The following ZNF569 variants were observed in gnomAD, a reference collection of about 807,000 sequenced individuals.
ZNF569 encodes the protein zinc finger protein 569, also known as DNA-binding protein.
In ZNF569, 38 loss-of-function variants were observed where a neutral mutation model predicts 56.3. The ratio of observed to expected loss-of-function variants is 0.68; its 90% CI spans 0.52 to 0.88. The LOEUF (loss-of-function observed/expected upper bound fraction) is 0.88. ZNF569 is among the 40% of genes least tolerant of loss of function. The pLI is 0.00. For missense variants in ZNF569, 666 were observed against 809.2 expected, an observed-to-expected ratio of 0.82 and a Z score of 2.15; for synonymous variants, 241 against 262.9, an observed-to-expected ratio of 0.92 and a Z score of 0.81.
intron 2 of ZNF569, among the ~76,000 whole-genome samples, chr19:37,454,025 A>C (rs549591603): frequency 1.3e-5 from 2 of 152,152 alleles, no homozygotes. Flanking sequence ...ACACTTAAAC[A>C]TGAGTATGTC....
In ZNF569 at chr19:37,415,681, T is replaced by C. The variant is rs904739620; in HGVS notation, c.239-1262A>G. ...GTCAGGAGATTGAGACCATCCTGGC[T>C]AACACAGTGAAACCCCATCTCTACT... On this transcript the variant is annotated intron_variant, in intron 5 of 5. Transcript: ENST00000316950. 6.3e-5 allele frequency among the ~76,000 whole-genome samples: 9 copies of C among 142,980 alleles called. No individual in the cohort carries two copies. In the South Asian group the frequency reaches 6.6e-4, roughly 11 times the overall value. 93.8% of individuals were successfully genotyped at this position (142,980 alleles called of 152,430 possible). A position where few individuals can be genotyped will look rare whatever the true frequency, so the allele number is the denominator to read the frequency against.
intron 1 of ZNF569, among the ~76,000 whole-genome samples, chr19:37,466,322 G>A (rs1243161784): frequency 6.6e-6 from 1 of 152,108 alleles, no homozygotes; most frequent in Non-Finnish European, 1.5e-5. Flanking sequence ...TGGGGATATC[G>A]ATGTTTCATA....
At chr19:37,420,257 G>A (rs902287092) in intron 5 of ZNF569, among the ~76,000 whole-genome samples, 2 of 151,894 alleles carry the variant, frequency 1.3e-5, no homozygotes, top group Admixed American at 6.6e-5. Flanking sequence ...CAAAGTGCTC[G>A]GATTACAGGT....
At chr19:37,437,963 G>GA (rs2041340654) in intron 3 of ZNF569, among the ~76,000 whole-genome samples, 1 of 120,652 alleles carries the variant, frequency 8.3e-6, no homozygotes, top group Non-Finnish European at 2.1e-5. Flanking sequence ...ACAGAAATAG[G>GA]AAAAAATGCT....
At chr19:37,469,059 C>T, upstream of ZNF569, 1 of 997,226 alleles carries the variant, frequency 1.0e-6, no homozygotes, top group Non-Finnish European at 1.2e-6. Context: ...CTTGTGCCTG[C>T]GCACTTCCAC....
Position 37,412,432 on chromosome 19 carries a change from A to G in ZNF569, c.*165T>C. 2 of 1,236,008 alleles carry G rather than the reference A, an allele frequency of 1.6e-6. No homozygotes were observed. Among genetic ancestry groups the G allele is most frequent in the Non-Finnish European group, 2.1e-6 (2 of 962,360 alleles). The allele number at this position is 1,236,008 out of a possible 1,614,324, so 76.6% of individuals were successfully genotyped here. The stretch of plus-strand genomic sequence containing the variant: ...TCTGGTAACAGCTTTTTCATTATAT[A>G]ATTTGTCACCTTGGAAGAATTCTCT... On this transcript the variant is annotated 3_prime_UTR_variant, in exon 6 of 6. Transcript: ENST00000316950.
chr19:37,468,397 CT>C (rs1244661255), upstream of ZNF569, among the ~76,000 whole-genome samples: 1 of 152,168 alleles, frequency 6.6e-6, no homozygotes, highest in African/African-American at 2.4e-5. Flanking sequence ...GTCTTAATAC[CT>C]TTAATAAAGA....
chr19:37,451,466 A>G (rs2041592973), intron 2 of ZNF569, among the ~76,000 whole-genome samples: 1 of 151,960 alleles, frequency 6.6e-6, no homozygotes, highest in African/African-American at 2.4e-5. Flanking sequence ...GTGTTATTCA[A>G]GTCAAATGTT....
chr19:37,443,599 A>G (rs73631066), intron 3 of ZNF569, among the ~76,000 whole-genome samples: 2,599 of 152,282 alleles, frequency 0.017, 69 homozygotes, highest in African/African-American at 0.059. Flanking sequence ...TTTACCAGAA[A>G]TGATTACAGT....
chr19:37,455,345 A>G (rs1344200915), intron 2 of ZNF569, among the ~76,000 whole-genome samples: 1 of 152,190 alleles, frequency 6.6e-6, no homozygotes, highest in Non-Finnish European at 1.5e-5. Flanking sequence ...ATAAATTCAC[A>G]AACTAAATGT....
At chr19:37,430,012 A>G (rs1407957664) in intron 3 of ZNF569, among the ~76,000 whole-genome samples, 1 of 152,106 alleles carries the variant, frequency 6.6e-6, no homozygotes, top group African/African-American at 2.4e-5. Flanking sequence ...GGGCAAGATG[A>G]TGAGACCCTA....
upstream of ZNF569, chr19:37,468,123 T>G: frequency 1.6e-6 from 1 of 623,606 alleles, no homozygotes; most frequent in Non-Finnish European, 2.8e-6. Flanking sequence ...CTCACTTTGT[T>G]GCCCAGGCTG....
At chr19:37,446,795 C>T (rs1171420439) in intron 2 of ZNF569, among the ~76,000 whole-genome samples, 1 of 152,004 alleles carries the variant, frequency 6.6e-6, no homozygotes, top group Non-Finnish European at 1.5e-5. Flanking sequence ...AGCTTCTGCA[C>T]AGCAAAATAA....
At chr19:37,449,030 C>T (rs188430399) in intron 2 of ZNF569, among the ~76,000 whole-genome samples, 4 of 152,198 alleles carry the variant, frequency 2.6e-5, no homozygotes, top group Non-Finnish European at 4.4e-5. Context: ...TGCTGTATTT[C>T]CATTTTCTTT....
At chr19:37,448,698 G>A (rs2041541446) in intron 2 of ZNF569, among the ~76,000 whole-genome samples, 1 of 151,402 alleles carries the variant, frequency 6.6e-6, no homozygotes, top group Non-Finnish European at 1.5e-5. Flanking sequence ...CGAGTAGCTG[G>A]GACTAAACGC....
chr19:37,465,835 A>T (rs1463056248), intron 1 of ZNF569, among the ~76,000 whole-genome samples: 1 of 152,220 alleles, frequency 6.6e-6, no homozygotes, highest in Non-Finnish European at 1.5e-5. Flanking sequence ...CACGTGCCAA[A>T]TAGTTGCTGA....
chr19:37,454,932 T>C, intron 2 of ZNF569: 1 of 698,460 alleles, frequency 1.4e-6, no homozygotes, highest in Non-Finnish European at 2.6e-6. Flanking sequence ...TTAAGATTAC[T>C]TGGTTGCCCT....
At chr19:37,460,296 C>T (rs1377959103) in intron 2 of ZNF569, among the ~76,000 whole-genome samples, 1 of 152,068 alleles carries the variant, frequency 6.6e-6, no homozygotes, top group African/African-American at 2.4e-5. Flanking sequence ...GCATGCACCA[C>T]TATGCCTGGC....
At chr19:37,466,100 G>GA in intron 1 of ZNF569, among the ~76,000 whole-genome samples, 1 of 152,146 alleles carries the variant, frequency 6.6e-6, no homozygotes, top group Admixed American at 6.5e-5. Context: ...AGGCGGGGGT[G>GA]AAAAGATGGA....
Sources: gnomAD v4.1 joint callset for allele counts (sites outside exome capture counted in the v4.1 genomes callset) on GRCh38, gnomAD v4.1.1 for gene constraint, MANE v1.5 for transcripts, NCBI Gene and HGNC (gene_info 2026-07-23, HGNC 2026-07-21) for gene names.